Variants in CDK19 observed in about 807,000 individuals in gnomAD.
CDK19 encodes the protein cyclin dependent kinase 19, also known as cyclin-dependent kinase 19.
Under a neutral mutation model 68.3 loss-of-function variants are expected in CDK19, and 20 were observed. The observed-to-expected ratio is 0.29, with a 90% CI of 0.21 to 0.43. CDK19 has a LOEUF of 0.43. Ranked by LOEUF, CDK19 falls within the 20% of genes least tolerant of loss-of-function variation. The pLI, the probability that CDK19 is intolerant of heterozygous loss-of-function variation, is 1.00. For missense variants in CDK19, 339 were observed against 623.5 expected, an observed-to-expected ratio of 0.54 and a Z score of 4.86; for synonymous variants, 221 against 222.8, an observed-to-expected ratio of 0.99 and a Z score of 0.07.
intron 8 of CDK19, among the ~76,000 whole-genome samples, chr6:110,625,802 G>A (rs1277575877): frequency 2.6e-5 from 4 of 152,108 alleles, no homozygotes; most frequent in Admixed American, 2.6e-4. Flanking sequence ...AGGACTGTGA[G>A]AAAAAGGGGT....
rs117524729 is a variant in CDK19, at chr6:110,713,951, T to G, written c.204+32175A>C. On this transcript the variant is annotated intron_variant, in intron 2 of 12. Coordinates refer to ENST00000368911, the MANE Select transcript of CDK19 (RefSeq NM_015076.5). Reference sequence around the variant, plus strand: ...TACTGAGGTAAAATTTCACATAACATAAACTTCACCATTTTAAAGTATGGA... The same window carrying G: ...TACTGAGGTAAAATTTCACATAACAGAAACTTCACCATTTTAAAGTATGGA... Among the ~76,000 whole-genome samples, 1,451 of 152,324 alleles carry G rather than the reference T, an allele frequency of 9.5e-3. 12 individuals are homozygous for G. Among genetic ancestry groups the G allele is most frequent in the South Asian group, 0.033 (160 of 4,834 alleles).
chr6:110,709,705 C>T (rs1227397462), intron 2 of CDK19, among the ~76,000 whole-genome samples: 1 of 151,838 alleles, frequency 6.6e-6, no homozygotes, highest in African/African-American at 2.4e-5. Context: ...AAATAACAAC[C>T]CACATGTAAT....
At chr6:110,795,104 G>A (rs559573248) in intron 1 of CDK19, among the ~76,000 whole-genome samples, 1 of 152,232 alleles carries the variant, frequency 6.6e-6, no homozygotes, top group African/African-American at 2.4e-5. Flanking sequence ...CTGAGTAGCT[G>A]GGACTACAGG....
At chr6:110,807,697 T>C (rs902890150) in intron 1 of CDK19, among the ~76,000 whole-genome samples, 1 of 152,156 alleles carries the variant, frequency 6.6e-6, no homozygotes, top group African/African-American at 2.4e-5. Flanking sequence ...TTGCCTCAAG[T>C]GATCTGCCCA....
chr6:110,616,962 C>T (rs1405326448), intron 12 of CDK19, among the ~76,000 whole-genome samples: 1 of 152,138 alleles, frequency 6.6e-6, no homozygotes. Flanking sequence ...GCTAATTGTA[C>T]TTGCTTACAA....
intron 4 of CDK19, among the ~76,000 whole-genome samples, chr6:110,648,785 T>C (rs1292734431): frequency 2.6e-5 from 4 of 152,124 alleles, no homozygotes; most frequent in African/African-American, 9.7e-5. Context: ...TGGCGCGATC[T>C]CGGCTCACTG....
intron 1 of CDK19, among the ~76,000 whole-genome samples, chr6:110,756,302 A>G (rs1364785155): frequency 6.6e-6 from 1 of 151,994 alleles, no homozygotes; most frequent in Non-Finnish European, 1.5e-5. Flanking sequence ...AGGCAGGAGA[A>G]TTACTTGAAC....
At chr6:110,720,867 CAAAA>C (rs60184209) in intron 2 of CDK19, among the ~76,000 whole-genome samples, 2 of 92,590 alleles carry the variant, frequency 2.2e-5, no homozygotes. Flanking sequence ...GACTCTGTCT[CAAAA>C]AAAAAAAAAA....
At chr6:110,617,163 GCCATAGAAA>G (rs1778365854) in intron 12 of CDK19, among the ~76,000 whole-genome samples, 1 of 152,150 alleles carries the variant, frequency 6.6e-6, no homozygotes, top group Admixed American at 6.5e-5. Context: ...CCTAAGGCAA[GCCATAGAAA>G]CCAGAACCCC....
chr6:110,695,140 G>T (rs943572761), intron 2 of CDK19, among the ~76,000 whole-genome samples: 5 of 151,978 alleles, frequency 3.3e-5, no homozygotes, highest in Admixed American at 3.3e-4. Flanking sequence ...GGGGAAAGGG[G>T]AAAGGGGAAA....
chr6:110,720,682 C>A (rs1775799306), intron 2 of CDK19, among the ~76,000 whole-genome samples: 1 of 151,998 alleles, frequency 6.6e-6, no homozygotes, highest in Admixed American at 6.6e-5. Context: ...GTCTGGCCAA[C>A]ATGGTGAAAC....
intron 1 of CDK19, among the ~76,000 whole-genome samples, chr6:110,764,886 GGT>G: frequency 6.6e-6 from 1 of 151,934 alleles, no homozygotes; most frequent in Non-Finnish European, 1.5e-5. Context: ...AGGAGTCAGA[GGT>G]TGCAGTGAGC....
intron 2 of CDK19, among the ~76,000 whole-genome samples, chr6:110,683,049 G>A (rs1354169231): frequency 2.6e-5 from 4 of 151,488 alleles, no homozygotes; most frequent in African/African-American, 7.3e-5. Flanking sequence ...GGTGGTGGGC[G>A]CCTGTAGTCC....
At chr6:110,798,562 T>G (rs1322439908) in intron 1 of CDK19, among the ~76,000 whole-genome samples, 2 of 145,892 alleles carry the variant, frequency 1.4e-5, no homozygotes, top group Non-Finnish European at 3.0e-5. Flanking sequence ...GAGACAGAGG[T>G]TGCAGTGAGC....
intron 1 of CDK19, among the ~76,000 whole-genome samples, chr6:110,797,631 C>T (rs574230385): frequency 2.6e-5 from 4 of 152,302 alleles, no homozygotes; most frequent in South Asian, 4.1e-4. Context: ...GATTTTTAAA[C>T]CACAATCTGA....
intron 2 of CDK19, among the ~76,000 whole-genome samples, chr6:110,679,126 A>C (rs1293263473): frequency 1.3e-5 from 2 of 152,082 alleles, no homozygotes. Context: ...CTGGTCACAC[A>C]GCAAGAGCCC....
intron 1 of CDK19, among the ~76,000 whole-genome samples, chr6:110,757,807 C>T (rs868152732): frequency 6.6e-6 from 1 of 152,124 alleles, no homozygotes; most frequent in East Asian, 1.9e-4. Flanking sequence ...TGTAGGTGTT[C>T]ACTGTTCTAA....
intron 1 of CDK19, among the ~76,000 whole-genome samples, chr6:110,784,133 T>G: frequency 7.7e-6 from 1 of 129,964 alleles, no homozygotes; most frequent in African/African-American, 3.1e-5. Flanking sequence ...CATTCCAGCT[T>G]GAGTGACAGA....
At chr6:110,719,972 G>GCCCCCCCCCCCCCCC (rs1167384607) in intron 2 of CDK19, among the ~76,000 whole-genome samples, 49 of 45,546 alleles carry the variant, frequency 1.1e-3, no homozygotes, top group African/African-American at 1.7e-3. Flanking sequence ...CTTGTGATCC[G>GCCCCCCCCCCCCCCC]CCCCCCCCCC....
Sources: allele counts gnomAD v4.1 joint callset (sites outside exome capture counted in the v4.1 genomes callset), GRCh38; gene constraint gnomAD v4.1.1; transcripts MANE v1.5; gene names NCBI Gene and HGNC (gene_info 2026-07-23, HGNC 2026-07-21).